Variants in NCAPG observed in about 807,000 individuals in gnomAD.
NCAPG encodes condensin complex subunit 3.
In NCAPG, 69 loss-of-function variants were observed where a neutral mutation model predicts 113.1. The observed-to-expected ratio is 0.61, with a 90% confidence interval of 0.50 to 0.75. NCAPG has a LOEUF of 0.75. NCAPG is among the 30% of genes least tolerant of loss of function. The pLI is 0.00. For missense variants in NCAPG, 1,058 were observed against 1,177.0 expected, an observed-to-expected ratio of 0.90 and a Z score of 1.48; for synonymous variants, 370 against 415.8, an observed-to-expected ratio of 0.89 and a Z score of 1.34.
rs1371460737 is a variant in NCAPG, at chr4:17,817,923, T to C, written c.969-16T>C. ...AAAGATCATGCTTTCTCTCACACTCTTTCTTTTAAATGAAGGAAATTGATT... is the reference window on the plus strand; with the variant it reads ...AAAGATCATGCTTTCTCTCACACTCCTTCTTTTAAATGAAGGAAATTGATT... On this transcript the variant is annotated splice_polypyrimidine_tract_variant and intron_variant, in intron 6 of 20. Transcript: ENST00000251496. 1.9e-6 allele frequency: 3 copies of C among 1,584,932 alleles called. No homozygotes were observed. The highest frequency in any genetic ancestry group is 1.2e-5 in the South Asian group (1 of 85,778).
rs1722616025 is a variant in NCAPG, at chr4:17,843,367, C to T, written c.2990C>T (p.Ala997Val). Residue 997 changes from alanine (A) to valine (V), a missense_variant, in exon 21 of 21, where the codon GCA (alanine) becomes GTA (valine). Ala to Val is a moderately conservative substitution (Grantham distance 64, BLOSUM62 0). Transcript: ENST00000251496. The part of the protein sequence containing the change: ...KMRLPRRAKT[A>V]ALEKSKLNLA... ...AGACTACCAAGACGAGCCAAAACCG[C>T]AGCACTAGAAAAAAGTAAACTTAAC... is the stretch of plus-strand genomic sequence containing the variant. 6.2e-7 allele frequency: 1 copy of T among 1,611,864 alleles called. No individual in the cohort carries two copies.
intron 19 of NCAPG, chr4:17,841,769 T>C (rs915910195): frequency 6.6e-6 from 1 of 152,246 alleles, no homozygotes; most frequent in Non-Finnish European, 1.5e-5. Flanking sequence ...ATCCCCAGTA[T>C]ATAAAGGTTC....
intron 16 of NCAPG, among the ~76,000 whole-genome samples, chr4:17,838,726 T>C (rs1722202797): frequency 6.6e-6 from 1 of 152,150 alleles, no homozygotes; most frequent in South Asian, 2.1e-4. Flanking sequence ...GGGGGTAGAT[T>C]ATAGATTGCT....
At position 17,839,768 on chromosome 4, in the gene NCAPG, C is replaced by G. The variant is rs1458775595; in HGVS notation, c.2559C>G (p.Ala853=). Residue 853 remains alanine, a synonymous_variant, in exon 17 of 21, where the codon GCC becomes GCG. Transcript: ENST00000251496. The part of the protein sequence containing the change: ...CSPEIRVYTK[A]LSSLELSSHL... ...CAGAAATTCGAGTCTATACAAAAGC[C>G]TTGAGTTCTTTAGAACTCAGTAGCC... is the stretch of plus-strand genomic sequence containing the variant. The G allele has an allele frequency of 6.3e-7, 1 of 1,583,884 alleles. No individual in the cohort carries two copies. Among genetic ancestry groups the G allele is most frequent in the African/African-American group, 1.4e-5 (1 of 72,670 alleles).
intron 5 of NCAPG, 101 bp downstream of exon 5, chr4:17,815,459 C>A: frequency 1.3e-6 from 1 of 750,122 alleles, no homozygotes; most frequent in Non-Finnish European, 2.2e-6. Flanking sequence ...AGTAAGCCTG[C>A]CAGTCCCATG....
At chr4:17,822,237 A>G (rs1217256034) in intron 7 of NCAPG, among the ~76,000 whole-genome samples, 1 of 129,884 alleles carries the variant, frequency 7.7e-6, no homozygotes, top group Non-Finnish European at 1.6e-5. Flanking sequence ...TCTGTCACCC[A>G]GGCTAGAGTG....
intron 11 of NCAPG, among the ~76,000 whole-genome samples, chr4:17,826,184 TTCTG>T (rs937375452): frequency 3.3e-5 from 5 of 152,160 alleles, no homozygotes; most frequent in African/African-American, 7.2e-5. Flanking sequence ...ATCGATACCA[TTCTG>T]TCTTACAACA....
Position 17,834,333 on chromosome 4 carries a change from G to A in NCAPG, c.1919G>A (p.Ser640Asn), listed in dbSNP as rs148934564. ...LQIDDVTIKI[S>N]ALKAIFDQLM... ...ATTGATGATGTCACAATAAAAATAA[G>A]TGCTTTAAAGGCAATCTTTGACCAA... Residue 640 changes from serine to asparagine, a missense_variant, in exon 14 of 21, where the codon AGT (serine) becomes AAT (asparagine). By Grantham distance (46) the Ser-to-Asn change is conservative. Coordinates refer to ENST00000251496, the MANE Select transcript of NCAPG (RefSeq NM_022346.5). 21 of 1,596,294 alleles carry A rather than the reference G, an allele frequency of 1.3e-5. No homozygotes were observed. In the African/African-American group the frequency reaches 1.3e-4, roughly 10 times the overall value.
rs773140868 is a variant in NCAPG at position 17,834,630 on chromosome 4, T to G, written c.2109+107T>G. 27 of 723,316 alleles carry G rather than the reference T, an allele frequency of 3.7e-5. No individual in the cohort carries two copies. The Admixed American group carries it at 6.3e-4, about 17-fold the overall frequency. 44.8% of individuals were successfully genotyped at this position (723,316 alleles called of 1,614,324 possible). On this transcript the variant is annotated intron_variant, in intron 14 of 20. Coordinates refer to ENST00000251496, the MANE Select transcript of NCAPG (RefSeq NM_022346.5). ...TATAGTTTAAGTCCTGTGATACATG[T>G]GCAGAACATACAGGTTTGTTACATA...
chr4:17,833,228 A>G (rs1721933522), intron 13 of NCAPG, among the ~76,000 whole-genome samples: 3 of 151,896 alleles, frequency 2.0e-5, no homozygotes, highest in Admixed American at 2.0e-4. Flanking sequence ...AAAATTAGCC[A>G]GGCATGGTGG....
At chr4:17,820,095 GTAGTGAAAA>G (rs1161237957) in intron 7 of NCAPG, among the ~76,000 whole-genome samples, 1 of 152,098 alleles carries the variant, frequency 6.6e-6, no homozygotes, top group African/African-American at 2.4e-5. Context: ...TTTATAGAAG[GTAGTGAAAA>G]TATAAGAAAA....
chr4:17,811,035 A>G lies in NCAPG; in HGVS notation c.-43A>G, dbSNP rs1275082610. The G allele has an allele frequency of 3.8e-6, 5 of 1,302,144 alleles. No homozygotes were observed. The highest frequency in any genetic ancestry group is 4.1e-4 in the Middle Eastern group (2 of 4,876). The allele number at this position is 1,302,144 out of a possible 1,614,324, so 80.7% of individuals were successfully genotyped here. On this transcript the variant is annotated 5_prime_UTR_variant, in exon 1 of 21. Transcript: ENST00000251496. This position sits in a 1 kb window ranked among gnomAD's most constrained non-coding sequence, Gnocchi z 5.3. ...CTGGGTTGGCGGGCTGGCAGGCTGT[A>G]GCCGAGCGCGGGCAGGACTCGTCCC...
At chr4:17,830,448 A>C (rs182600865) in intron 12 of NCAPG, among the ~76,000 whole-genome samples, 4 of 152,040 alleles carry the variant, frequency 2.6e-5, no homozygotes, top group Admixed American at 2.6e-4. Context: ...AGACTAGTAC[A>C]AAGAACAGAA....
Position 17,812,916 on chromosome 4 carries a change from G to C in NCAPG, c.316-1G>C. ...TAAATTTTGATTTGTTTCTGTTTTA[G>C]TCTCATGAAGCAAACAGCAATGCAG... On this transcript the variant is annotated splice_acceptor_variant, in intron 2 of 20. Transcript: ENST00000251496. LOFTEE classifies it high-confidence loss of function. The C allele has an allele frequency of 1.2e-6, 2 of 1,612,816 alleles. No homozygotes were observed. Among genetic ancestry groups the C allele is most frequent in the South Asian group, 2.2e-5 (2 of 90,960 alleles).
At chr4:17,825,694 T>G in intron 11 of NCAPG, 133 bp downstream of exon 11, 2 of 741,126 alleles carry the variant, frequency 2.7e-6, no homozygotes, top group Non-Finnish European at 4.0e-6. Context: ...TGAATTAAAA[T>G]GAAAAAAGTT....
chr4:17,832,350 C>T (rs116414931), intron 13 of NCAPG, among the ~76,000 whole-genome samples: 2,982 of 152,164 alleles, frequency 0.02, 46 homozygotes, highest in Non-Finnish European at 0.028. Context: ...GGATGGTAAT[C>T]TAAGTTTGAA....
In NCAPG at chr4:17,837,281, G is replaced by T; in HGVS notation, c.2232G>T (p.Glu744Asp). 1 of 1,613,962 alleles carries T rather than the reference G, an allele frequency of 6.2e-7. No individual in the cohort carries two copies. Among genetic ancestry groups the T allele is most frequent in the Non-Finnish European group, 8.5e-7 (1 of 1,179,940 alleles). ...ILLWYNPVTE[E>D]DVQLRHCLGV... ...TATGGTACAATCCTGTGACTGAAGA[G>T]GATGTTCAACTTCGACATTGCCTAG... Residue 744 changes from glutamate to aspartate, a missense_variant, in exon 15 of 21, where the codon GAG becomes GAT. Coordinates refer to ENST00000251496, the MANE Select transcript of NCAPG (RefSeq NM_022346.5).
chr4:17,837,537 T>A (rs1396844362), intron 15 of NCAPG, 90 bp from the exon 16 acceptor site: 10 of 1,418,364 alleles, frequency 7.1e-6, no homozygotes, highest in Non-Finnish European at 8.6e-6. Flanking sequence ...ACTTAATGAG[T>A]GAATTTCCTA....
At position 17,817,338 on chromosome 4, in the gene NCAPG, C is replaced by T. The variant is rs760393520; in HGVS notation, c.853C>T (p.Leu285Phe). The change falls in exon 6 of 21, where the codon CTC (leucine) becomes TTC (phenylalanine). Residue 285 changes from leucine to phenylalanine, a missense_variant. By Grantham distance (22) the Leu-to-Phe change is conservative. Transcript: ENST00000251496. The part of the protein sequence containing the change: ...RFSEGNILEL[L>F]HRLDVENSSE... ...CTCTGAAGGAAATATCTTAGAGTTG[C>T]TCCATCGGTTGGATGTAGAAAATTC... The T allele has an allele frequency of 1.2e-6, 2 of 1,614,042 alleles. No homozygotes were observed. The highest frequency in any genetic ancestry group is 2.2e-5 in the East Asian group (1 of 44,866).
Sources: gnomAD v4.1 joint callset for allele counts (sites outside exome capture counted in the v4.1 genomes callset) on GRCh38, gnomAD v4.1.1 for gene constraint, Gnocchi (gnomAD v3.1) non-coding constraint, MANE v1.5 for transcripts, NCBI Gene and HGNC (gene_info 2026-07-23, HGNC 2026-07-21) for gene names.